Variants in ADGRL3 observed in about 807,000 individuals in gnomAD.
ADGRL3 encodes calcium-independent alpha-latrotoxin receptor 3.
Under a neutral mutation model 153.5 loss-of-function variants are expected in ADGRL3, and 62 were observed. The ratio of observed to expected loss-of-function variants is 0.40; its 90% CI spans 0.33 to 0.50. ADGRL3 has a LOEUF of 0.50. ADGRL3 is among the 20% of genes least tolerant of loss of function. The probability of loss-of-function intolerance (pLI) is 0.47; values close to 1 mark genes in which losing one functional copy is unlikely to be tolerated. For synonymous variants in ADGRL3, 710 were observed against 672.5 expected (o/e 1.06, Z -0.86); for missense variants, 1,641 against 1,859.4 (o/e 0.88, Z 2.16).
At chr4:61,952,338 G>A (rs1426925079) in intron 17 of ADGRL3, among the ~76,000 whole-genome samples, 3 of 152,004 alleles carry the variant, frequency 2.0e-5, no homozygotes, top group South Asian at 4.1e-4. Flanking sequence ...AATTAGCCAG[G>A]TGTGGTGGCA....
intron 1 of ADGRL3, among the ~76,000 whole-genome samples, chr4:61,319,189 A>G (rs945385705): frequency 6.6e-6 from 1 of 152,168 alleles, no homozygotes; most frequent in African/African-American, 2.4e-5. Flanking sequence ...AAAATTTGTT[A>G]GAGATGTAGC....
rs190758966 is a variant in ADGRL3, at chr4:62,016,197, T to C, written c.3396-12658T>C. On this transcript the variant is annotated intron_variant, in intron 21 of 26. Transcript: ENST00000683033. The stretch of plus-strand genomic sequence containing the variant: ...CCGTGTAGCTGGGACTACAGGCACA[T>C]ACTACCATGCCCAGCTAATTTTTGT... 6.6e-3 allele frequency among the ~76,000 whole-genome samples: 1,005 copies of C among 152,012 alleles called. 4 individuals are homozygous for C. Among genetic ancestry groups the C allele is most frequent in the Non-Finnish European group, 0.011 (725 of 67,936 alleles).
intron 2 of ADGRL3, among the ~76,000 whole-genome samples, chr4:61,384,285 T>G (rs2151930118): frequency 6.6e-6 from 1 of 152,028 alleles, no homozygotes; most frequent in Admixed American, 6.6e-5. Context: ...ACAGAAGAGA[T>G]ATGATTGAAT....
intron 1 of ADGRL3, among the ~76,000 whole-genome samples, chr4:61,349,287 G>A (rs556465602): frequency 9.2e-5 from 14 of 151,832 alleles, no homozygotes; most frequent in Non-Finnish European, 1.8e-4. Context: ...TATTTCCTTC[G>A]TAATTTTCAA....
intron 1 of ADGRL3, among the ~76,000 whole-genome samples, chr4:61,382,024 A>G (rs1337188817): frequency 6.6e-6 from 1 of 151,946 alleles, no homozygotes; most frequent in African/African-American, 2.4e-5. Context: ...GCTTTCACTA[A>G]TTTGTTTTCA....
intron 5 of ADGRL3, among the ~76,000 whole-genome samples, chr4:61,614,213 T>C (rs1359387417): frequency 6.6e-6 from 1 of 152,156 alleles, no homozygotes; most frequent in Non-Finnish European, 1.5e-5. Flanking sequence ...AGCATAATGC[T>C]CAATACAGAC....
chr4:61,207,009 TA>T (rs1244544302), intron 1 of ADGRL3, among the ~76,000 whole-genome samples: 75 of 149,190 alleles, frequency 5.0e-4, no homozygotes, highest in South Asian at 1.5e-3. Flanking sequence ...AATAAATAAA[TA>T]AAATAAAATA....
chr4:61,785,012 CAATG>C (rs2097260902), intron 8 of ADGRL3, among the ~76,000 whole-genome samples: 1 of 152,114 alleles, frequency 6.6e-6, no homozygotes, highest in African/African-American at 2.4e-5. Context: ...GTACTTAAAA[CAATG>C]AATGACATGT....
chr4:62,076,520 G>A lies in ADGRL3; in HGVS notation c.*5612G>A, dbSNP rs900118710. 6.6e-6 allele frequency: 1 copy of A among 151,992 alleles called. No individual in the cohort carries two copies. The highest frequency in any genetic ancestry group is 2.4e-5 in the African/African-American group (1 of 41,432). The allele number at this position is 151,992 out of a possible 1,614,324, so 9.4% of individuals were successfully genotyped here. On this transcript the variant is annotated 3_prime_UTR_variant, in exon 27 of 27. Coordinates refer to ENST00000683033, the MANE Select transcript of ADGRL3 (RefSeq NM_001387552.1). Reference sequence around the variant, plus strand: ...GTAAGGTGACAGGACCTAAACTAGAGTTACAGAGAAAAGTTTTCCAGGAAA... The same window carrying A: ...GTAAGGTGACAGGACCTAAACTAGAATTACAGAGAAAAGTTTTCCAGGAAA...
intron 5 of ADGRL3, among the ~76,000 whole-genome samples, chr4:61,667,914 A>G (rs548266976): frequency 3.3e-4 from 50 of 152,318 alleles, no homozygotes; most frequent in African/African-American, 1.2e-3. Context: ...GCATCTTACT[A>G]GGTCAGATTT....
intron 8 of ADGRL3, among the ~76,000 whole-genome samples, chr4:61,754,413 GA>G: frequency 6.6e-6 from 1 of 151,806 alleles, no homozygotes; most frequent in East Asian, 1.9e-4. Flanking sequence ...CAGCTTGAGA[GA>G]AAAAGAGAAG....
intron 5 of ADGRL3, among the ~76,000 whole-genome samples, chr4:61,661,206 A>G (rs1022741780): frequency 1.3e-5 from 2 of 152,046 alleles, no homozygotes; most frequent in Non-Finnish European, 2.9e-5. Context: ...CTGAGTTTTT[A>G]AAAATTATTT....
intron 9 of ADGRL3, among the ~76,000 whole-genome samples, chr4:61,848,100 A>ATT (rs2098158643): frequency 9.7e-6 from 1 of 103,520 alleles, no homozygotes; most frequent in Non-Finnish European, 1.8e-5. Context: ...TATAAAATAT[A>ATT]TTATATAATA....
At chr4:61,646,907 T>A (rs997828583) in intron 5 of ADGRL3, among the ~76,000 whole-genome samples, 5 of 152,210 alleles carry the variant, frequency 3.3e-5, no homozygotes, top group African/African-American at 1.2e-4. Context: ...GATCTTAGAC[T>A]GCTGTGCTAG....
chr4:61,506,284 G>A (rs1002042894), intron 3 of ADGRL3, among the ~76,000 whole-genome samples: 1 of 151,774 alleles, frequency 6.6e-6, no homozygotes, highest in African/African-American at 2.4e-5. Flanking sequence ...ATACCTTTAG[G>A]AATTAGAACC....
At chr4:61,984,838 TA>T (rs1378245044) in intron 19 of ADGRL3, among the ~76,000 whole-genome samples, 1 of 152,030 alleles carries the variant, frequency 6.6e-6, no homozygotes, top group African/African-American at 2.4e-5. Flanking sequence ...CGTGAAGACA[TA>T]AGTTAGTAGT....
chr4:62,075,065 GT>G lies in ADGRL3; in HGVS notation c.*4160del, dbSNP rs1006837266. The G allele has an allele frequency of 1.3e-5, 2 of 152,116 alleles. No homozygotes were observed. The highest frequency in any genetic ancestry group is 2.1e-4 in the South Asian group (1 of 4,814). The allele number at this position is 152,116 out of a possible 1,614,324, so 9.4% of individuals were successfully genotyped here. A position where few individuals can be genotyped will look rare whatever the true frequency, so the allele number is the denominator to read the frequency against. ...AAGATCAAAAGGGAGAGGAAAAATA[GT>G]TTACAAGTTTTCTAAAGATCAACTC... On this transcript the variant is annotated 3_prime_UTR_variant, in exon 27 of 27. Transcript: ENST00000683033.
intron 5 of ADGRL3, among the ~76,000 whole-genome samples, chr4:61,609,055 G>C (rs963400860): frequency 6.6e-6 from 1 of 151,990 alleles, no homozygotes; most frequent in African/African-American, 2.4e-5. Flanking sequence ...ATGCTTATTT[G>C]TTAGTGTTTA....
intron 22 of ADGRL3, 40 bp downstream of exon 22, chr4:62,028,921 G>A (rs1398621859): frequency 1.3e-6 from 2 of 1,576,242 alleles, no homozygotes; most frequent in African/African-American, 1.4e-5. Context: ...CCGTTTATCA[G>A]TGTGGTCCCA....
Sources: gnomAD v4.1 joint callset for allele counts (sites outside exome capture counted in the v4.1 genomes callset) on GRCh38, gnomAD v4.1.1 for gene constraint, MANE v1.5 for transcripts, NCBI Gene and HGNC (gene_info 2026-07-23, HGNC 2026-07-21) for gene names.